The following MEF2C variants were observed in gnomAD, a reference collection of about 807,000 sequenced individuals.
MEF2C encodes myocyte-specific enhancer factor 2C.
Under a neutral mutation model 50.5 loss-of-function variants are expected in MEF2C, and 6 were observed. That is an observed-to-expected ratio of 0.12 (90% CI 0.07 to 0.23). The LOEUF is 0.23. Among genes scored for constraint, MEF2C ranks in the 10% least tolerant of loss-of-function variants. The pLI is 1.00. For missense variants in MEF2C, 276 were observed against 605.0 expected (o/e 0.46, Z 5.70); for synonymous variants, 183 against 228.0 (o/e 0.80, Z 1.78).
At chr5:88,752,881 CTT>C in intron 4 of MEF2C, 1 of 487,346 alleles carries the variant, frequency 2.1e-6, no homozygotes, top group Non-Finnish European at 2.7e-6. Flanking sequence ...ATTGTAGCTA[CTT>C]TTTTTTAAGC....
chr5:88,736,840 G>A (rs575424808), intron 6 of MEF2C: 50 of 985,274 alleles, frequency 5.1e-5, no homozygotes, highest in South Asian at 2.3e-4. Flanking sequence ...TATGGTCCTC[G>A]GAATATATGC....
intron 1 of MEF2C, among the ~76,000 whole-genome samples, chr5:88,869,278 C>T (rs1671542): frequency 0.08 from 3,684 of 45,836 alleles, 76 homozygotes; most frequent in Admixed American, 0.11. Flanking sequence ...TATATATATA[C>T]ATATATATAT....
At chr5:88,850,929 T>C (rs1821094945) in intron 1 of MEF2C, among the ~76,000 whole-genome samples, 1 of 152,076 alleles carries the variant, frequency 6.6e-6, no homozygotes, top group Non-Finnish European at 1.5e-5. Flanking sequence ...ATGAAGACCT[T>C]AATGATGATC....
intron 6 of MEF2C, chr5:88,736,023 G>T: frequency 2.0e-6 from 2 of 985,338 alleles, no homozygotes; most frequent in Non-Finnish European, 2.4e-6. Context: ...GGCTAATTCT[G>T]CCATTGGCAT....
At chr5:88,891,805 T>C (rs1834607223) in intron 1 of MEF2C, among the ~76,000 whole-genome samples, 1 of 152,074 alleles carries the variant, frequency 6.6e-6, no homozygotes, top group South Asian at 2.1e-4. Context: ...TTCTTATTAG[T>C]TTTATTGTTT....
chr5:88,802,729 G>T (rs567392366), intron 3 of MEF2C, among the ~76,000 whole-genome samples: 1 of 152,286 alleles, frequency 6.6e-6, no homozygotes, highest in Non-Finnish European at 1.5e-5. Context: ...CATTATAGGT[G>T]TGAGCCACCA....
chr5:88,873,436 A>G (rs886296302), intron 1 of MEF2C, among the ~76,000 whole-genome samples: 6 of 152,078 alleles, frequency 3.9e-5, no homozygotes, highest in African/African-American at 1.4e-4. Context: ...AATACTTTGA[A>G]GCAAGAAGGA....
intron 1 of MEF2C, among the ~76,000 whole-genome samples, chr5:88,857,476 G>A (rs1030337289): frequency 3.9e-5 from 6 of 152,178 alleles, no homozygotes; most frequent in African/African-American, 1.2e-4. Context: ...ATTGCATTTT[G>A]AAATGTGAGA....
At chr5:88,742,795 A>C in intron 6 of MEF2C, 2 of 985,372 alleles carry the variant, frequency 2.0e-6, no homozygotes, top group Non-Finnish European at 2.4e-6. Context: ...TGGTTTATCT[A>C]TAATTTGCTT....
intron 6 of MEF2C, among the ~76,000 whole-genome samples, chr5:88,745,716 G>T (rs1769162689): frequency 6.6e-6 from 1 of 152,226 alleles, no homozygotes. Flanking sequence ...TCAGTAGGCT[G>T]AGGGAGGTGG....
In MEF2C at chr5:88,869,075, G is replaced by A. The variant is rs571843742; in HGVS notation, c.-143+13880C>T. Among the ~76,000 whole-genome samples, 5 of 151,744 alleles carry A rather than the reference G, an allele frequency of 3.3e-5. No homozygotes were observed. The East Asian group carries it at 7.7e-4, about 23-fold the overall frequency. The stretch of plus-strand genomic sequence containing the variant: ...AATTAATCTATATGATGTGACAACA[G>A]TGCCAGTGAGTTCTAACTGTAAATT... On this transcript the variant is annotated intron_variant, in intron 1 of 10. Coordinates refer to ENST00000504921, the MANE Select transcript of MEF2C (RefSeq NM_002397.5).
In MEF2C at chr5:88,741,380, T is replaced by C. The variant is rs527673257; in HGVS notation, c.637+7690A>G. 236 of 985,414 alleles carry C rather than the reference T, an allele frequency of 2.4e-4. No individual in the cohort carries two copies. In the African/African-American group the frequency reaches 4.0e-3, roughly 17 times the overall value. 61.0% of individuals were successfully genotyped at this position (985,414 alleles called of 1,614,324 possible). A position where few individuals can be genotyped will look rare whatever the true frequency, so the allele number is the denominator to read the frequency against. ...TACAACAATCCGGAAAAAGAGGAGT[T>C]TAACAGACTTTTCAAGGGCAATAGT... On this transcript the variant is annotated intron_variant, in intron 6 of 10. Transcript: ENST00000504921.
At chr5:88,750,118 C>G (rs1270916130) in intron 5 of MEF2C, 1 of 857,216 alleles carries the variant, frequency 1.2e-6, no homozygotes, top group Non-Finnish European at 1.4e-6. Context: ...TTTCTAATTG[C>G]CTCTAAGTGA....
At chr5:88,731,096 C>T (rs1761322571) in intron 7 of MEF2C, among the ~76,000 whole-genome samples, 1 of 152,092 alleles carries the variant, frequency 6.6e-6, no homozygotes, top group Non-Finnish European at 1.5e-5. Context: ...CTTAGAGGTG[C>T]TACAATTCTT....
intron 1 of MEF2C, among the ~76,000 whole-genome samples, chr5:88,879,651 C>T (rs1832203354): frequency 6.6e-6 from 1 of 151,990 alleles, no homozygotes; most frequent in African/African-American, 2.4e-5. Flanking sequence ...TTCATGTAAG[C>T]AGACAATTTA....
chr5:88,821,915 T>C (rs1180958084), intron 2 of MEF2C, among the ~76,000 whole-genome samples: 4 of 151,916 alleles, frequency 2.6e-5, no homozygotes, highest in African/African-American at 7.2e-5. Context: ...AAGAGTAGAA[T>C]TGGAATGTTC....
rs986401069 is a variant in MEF2C, at chr5:88,739,325, T to C, written c.638-7424A>G. On this transcript the variant is annotated intron_variant, in intron 6 of 10. Transcript: ENST00000504921. ...ATTTGCTGCTTTTACTTCAACAAAA[T>C]GTTTTACTCACTTTAAAAAAAAAAT... 5.1e-6 allele frequency: 5 copies of C among 984,636 alleles called. No homozygotes were observed. In the African/African-American group the frequency reaches 7.0e-5, roughly 14 times the overall value. 61.0% of individuals were successfully genotyped at this position (984,636 alleles called of 1,614,324 possible).
intron 1 of MEF2C, among the ~76,000 whole-genome samples, chr5:88,850,874 CCT>C (rs1054504472): frequency 2.4e-4 from 36 of 151,832 alleles, no homozygotes; most frequent in African/African-American, 6.5e-4. Flanking sequence ...AAGACCAACC[CCT>C]CTCTTCGTCG....
At chr5:88,824,973 T>G (rs1382413312) in intron 1 of MEF2C, 2 of 152,110 alleles carry the variant, frequency 1.3e-5, no homozygotes, top group East Asian at 3.9e-4. Context: ...CATTCCACAA[T>G]GGGTTTTTCA....
Sources: allele counts gnomAD v4.1 joint callset (sites outside exome capture counted in the v4.1 genomes callset), GRCh38; gene constraint gnomAD v4.1.1; transcripts MANE v1.5; gene names NCBI Gene and HGNC (gene_info 2026-07-23, HGNC 2026-07-21).